AZI2: variants seen among roughly 807,000 people sequenced by gnomAD.
The protein encoded by AZI2 is 5-azacytidine induced 2.
AZI2 carries 22 observed loss-of-function variants against 45.8 expected under a neutral mutation model. The observed-to-expected ratio is 0.48, with a 90% CI of 0.34 to 0.69. The LOEUF (loss-of-function observed/expected upper bound fraction) is 0.69, where lower values mean the gene tolerates loss of function less well. Ranked by LOEUF, AZI2 falls within the 30% of genes least tolerant of loss-of-function variation. AZI2 has a pLI of 0.01. For synonymous variants in AZI2, 137 were observed against 156.7 expected (o/e 0.87, Z 0.94); for missense variants, 417 against 441.5 (o/e 0.94, Z 0.50).
At chr3:28,346,237 C>G (rs2125672961) in intron 1 of AZI2, among the ~76,000 whole-genome samples, 1 of 152,134 alleles carries the variant, frequency 6.6e-6, no homozygotes, top group Admixed American at 6.5e-5. Flanking sequence ...GATTTGCAAC[C>G]CTGATTATAG....
intron 1 of AZI2, among the ~76,000 whole-genome samples, chr3:28,347,243 C>G (rs927768749): frequency 2.6e-5 from 4 of 152,188 alleles, no homozygotes; most frequent in Non-Finnish European, 5.9e-5. Flanking sequence ...CAGCATTTTA[C>G]TTAATAATAA....
chr3:28,339,201 C>T (rs1703916752), intron 2 of AZI2, among the ~76,000 whole-genome samples: 1 of 152,106 alleles, frequency 6.6e-6, no homozygotes, highest in South Asian at 2.1e-4. Flanking sequence ...TGGTCTTGGA[C>T]TCCTGACTTC....
Position 28,336,719 on chromosome 3 carries a change from T to A in AZI2, c.588+18A>T, listed in dbSNP as rs2125654529. The A allele has an allele frequency of 6.2e-7, 1 of 1,605,956 alleles. No homozygotes were observed. Among genetic ancestry groups the A allele is most frequent in the Non-Finnish European group, 8.5e-7 (1 of 1,174,622 alleles). Reference sequence around the variant, plus strand: ...CACAAAAAATACTGAAATTCTCAATTTAATAATTCTGTAATACCGTTTGTT... The same window carrying A: ...CACAAAAAATACTGAAATTCTCAATATAATAATTCTGTAATACCGTTTGTT... On this transcript the variant is annotated intron_variant, in intron 5 of 7. Transcript: ENST00000479665.
At chr3:28,342,897 G>A (rs146925705) in intron 1 of AZI2, among the ~76,000 whole-genome samples, 290 of 152,100 alleles carry the variant, frequency 1.9e-3, no homozygotes, top group African/African-American at 6.6e-3. Flanking sequence ...GGATTTATTC[G>A]ATGTGGATTT....
intron 5 of AZI2, 132 bp downstream of exon 5, chr3:28,336,601 ATTTT>A: frequency 1.0e-6 from 1 of 989,900 alleles, no homozygotes; most frequent in Non-Finnish European, 1.4e-6. Flanking sequence ...ATAAACAAGA[ATTTT>A]TTAAGGAATA....
At chr3:28,330,568 G>A (rs894510680) in intron 6 of AZI2, among the ~76,000 whole-genome samples, 1 of 151,104 alleles carries the variant, frequency 6.6e-6, no homozygotes, top group Non-Finnish European at 1.5e-5. Context: ...ATGATGAGGC[G>A]AAAAATAGAA....
intron 7 of AZI2, among the ~76,000 whole-genome samples, chr3:28,325,801 A>G (rs1027482076): frequency 2.0e-5 from 3 of 151,054 alleles, no homozygotes; most frequent in Admixed American, 6.6e-5. Flanking sequence ...AACTCTGACC[A>G]CTGGAAAACT....
chr3:28,329,415 A>G (rs1423253591), intron 6 of AZI2, among the ~76,000 whole-genome samples: 3 of 151,122 alleles, frequency 2.0e-5, no homozygotes, highest in Non-Finnish European at 1.5e-5. Context: ...GACTGCCAAC[A>G]CAATCTTATA....
intron 6 of AZI2, chr3:28,331,957 C>A: frequency 1.4e-6 from 2 of 1,434,076 alleles, no homozygotes; most frequent in Non-Finnish European, 1.9e-6. Context: ...TACTCTGTCT[C>A]AAAAAACAAA....
chr3:28,338,756 C>A, intron 2 of AZI2, 141 bp from the exon 3 acceptor site: 1 of 767,014 alleles, frequency 1.3e-6, no homozygotes, highest in Non-Finnish European at 1.9e-6. Context: ...TATTTCATTT[C>A]CACAAATTAA....
intron 2 of AZI2, 145 bp downstream of exon 2, chr3:28,340,257 T>C (rs1577137673): frequency 4.9e-6 from 3 of 607,620 alleles, no homozygotes; most frequent in Non-Finnish European, 2.9e-6. Flanking sequence ...ATAAGTATAA[T>C]GCCCAGAGTT....
rs772683923 is a variant in AZI2 at position 28,324,211 on chromosome 3, CTG to C, written c.1008_1009del (p.His336GlnfsTer20). 6.2e-7 allele frequency: 1 copy of C among 1,610,486 alleles called. No individual in the cohort carries two copies. The highest frequency in any genetic ancestry group is 8.5e-7 in the Non-Finnish European group (1 of 1,177,626). Reference sequence around the variant, plus strand: ...TTCCAGAGAATTTCTGCCATAAGAACTGTGTTCCTGAAAGCATGTACCATCAT... The same window carrying C: ...TTCCAGAGAATTTCTGCCATAAGAACTGTTCCTGAAAGCATGTACCATCAT... On this transcript the variant is annotated frameshift_variant, in exon 8 of 8. Coordinates refer to ENST00000479665, the MANE Select transcript of AZI2 (RefSeq NM_022461.5). LOFTEE classifies it high-confidence loss of function.
rs1704190245 is a variant in AZI2 at position 28,345,532 on chromosome 3, A to G, written c.-6+3069T>C. Among the ~76,000 whole-genome samples, 3 of 152,126 alleles carry G rather than the reference A, an allele frequency of 2.0e-5. No individual in the cohort carries two copies. The South Asian group carries it at 6.2e-4, about 31-fold the overall frequency. ...CTTAAATATAAAAAGCGAATTAGAA[A>G]AGATTGAGGTAAACACTATTGACAA... On this transcript the variant is annotated intron_variant, in intron 1 of 7. Coordinates refer to ENST00000479665, the MANE Select transcript of AZI2 (RefSeq NM_022461.5).
chr3:28,343,307 C>A (rs1018978764), intron 1 of AZI2, among the ~76,000 whole-genome samples: 2 of 151,982 alleles, frequency 1.3e-5, no homozygotes, highest in Non-Finnish European at 2.9e-5. Context: ...ATTGTACTTA[C>A]ACCTTTACAG....
intron 6 of AZI2, among the ~76,000 whole-genome samples, chr3:28,330,277 ATCTT>A (rs1256745471): frequency 4.0e-5 from 6 of 151,344 alleles, no homozygotes; most frequent in Non-Finnish European, 7.4e-5. Flanking sequence ...GGTTCACTCT[ATCTT>A]AAGATAGAGA....
intron 1 of AZI2, among the ~76,000 whole-genome samples, chr3:28,344,184 T>C (rs1452888111): frequency 1.3e-5 from 2 of 152,082 alleles, no homozygotes; most frequent in African/African-American, 4.8e-5. Flanking sequence ...TATCAACTTT[T>C]ATTGTTTTAA....
chr3:28,334,425 T>C (rs1285081612), intron 5 of AZI2, among the ~76,000 whole-genome samples: 1 of 151,982 alleles, frequency 6.6e-6, no homozygotes, highest in Non-Finnish European at 1.5e-5. Flanking sequence ...GAATCCTTGA[T>C]AAACTTTTAT....
At chr3:28,332,243 A>G in intron 6 of AZI2, 126 bp downstream of exon 6, 1 of 749,674 alleles carries the variant, frequency 1.3e-6, no homozygotes, top group Non-Finnish European at 2.2e-6. Flanking sequence ...CAGAGGTTAC[A>G]TCAGTATCCA....
At chr3:28,336,596 CAA>C in intron 5 of AZI2, 139 bp downstream of exon 5, 1 of 920,940 alleles carries the variant, frequency 1.1e-6, no homozygotes, top group South Asian at 2.5e-5. Flanking sequence ...GGTAGATAAA[CAA>C]GAATTTTTTA....
Sources: allele counts gnomAD v4.1 joint callset (sites outside exome capture counted in the v4.1 genomes callset), GRCh38; gene constraint gnomAD v4.1.1; transcripts MANE v1.5; gene names NCBI Gene and HGNC (gene_info 2026-07-23, HGNC 2026-07-21).